The following CC2D1B variants were observed in gnomAD, a reference collection of about 807,000 sequenced individuals.
The protein encoded by CC2D1B is coiled-coil and C2 domain-containing protein 1B.
CC2D1B carries 92 observed loss-of-function variants against 110.8 expected under a neutral mutation model. That is an observed-to-expected ratio of 0.83 (90% CI 0.70 to 0.99). The LOEUF (loss-of-function observed/expected upper bound fraction) is 0.99, where lower values mean the gene tolerates loss of function less well. Among genes scored for constraint, CC2D1B ranks in the 50% least tolerant of loss-of-function variants. The pLI, the probability that CC2D1B is intolerant of heterozygous loss-of-function variation, is 0.00. For synonymous variants in CC2D1B, 406 were observed against 429.2 expected (o/e 0.95, Z 0.67); for missense variants, 1,136 against 1,089.0 (o/e 1.04, Z -0.61).
At position 52,357,816 on chromosome 1, in the gene CC2D1B, C is replaced by G. The variant is rs1446667895; in HGVS notation, c.1544G>C (p.Arg515Thr). Reference sequence around the variant, plus strand: ...CGGTGACTCCTTAGAACTTGAGGCCCTGGGCTCAGGCAGGCGCTGGGATGA... The same window carrying G: ...CGGTGACTCCTTAGAACTTGAGGCCGTGGGCTCAGGCAGGCGCTGGGATGA... ...VPSSQRLPEPRASSSKESPSP... is the reference protein window; with the variant it reads ...VPSSQRLPEPTASSSKESPSP... Residue 515 changes from arginine to threonine, a missense_variant, in exon 14 of 25, where the codon AGG becomes ACG. Physicochemically the swap from Arg to Thr is moderately conservative, Grantham distance 71. Coordinates refer to ENST00000284376, the MANE Select transcript of CC2D1B (RefSeq NM_001330585.2). The G allele has an allele frequency of 6.3e-7, 1 of 1,592,776 alleles. No homozygotes were observed. Among genetic ancestry groups the G allele is most frequent in the Non-Finnish European group, 8.5e-7 (1 of 1,169,864 alleles).
chr1:52,360,096 T>C lies in CC2D1B; in HGVS notation c.741A>G (p.Pro247=). ...TACCTGACTCCAAGGCAGGGGGAGC[T>C]GGAGGGTCTGTCTCAGGGCTCCTGT... ...PANRSPETDP[P]APPALESDNP... Residue 247 remains proline, a synonymous_variant, in exon 7 of 25, where the codon CCA becomes CCG. Transcript: ENST00000284376. 3 of 1,591,620 alleles carry C rather than the reference T, an allele frequency of 1.9e-6. No individual in the cohort carries two copies. The highest frequency in any genetic ancestry group is 8.6e-7 in the Non-Finnish European group (1 of 1,169,454).
At chr1:52,362,349 G>A (rs777317984) in intron 3 of CC2D1B, among the ~76,000 whole-genome samples, 3 of 152,312 alleles carry the variant, frequency 2.0e-5, no homozygotes, top group South Asian at 4.1e-4. Context: ...CACCAATACC[G>A]TGGCTAGGGC....
intron 2 of CC2D1B, among the ~76,000 whole-genome samples, chr1:52,363,529 C>T (rs1304484408): frequency 1.3e-5 from 2 of 152,156 alleles, no homozygotes; most frequent in Non-Finnish European, 2.9e-5. Context: ...CTGCTACCAT[C>T]GCCATCATCC....
Position 52,355,648 on chromosome 1 carries a change from A to G in CC2D1B, c.2147T>C (p.Leu716Pro). Residue 716 changes from leucine to proline, a missense_variant, in exon 20 of 25, where the codon CTG becomes CCG. Coordinates refer to ENST00000284376, the MANE Select transcript of CC2D1B (RefSeq NM_001330585.2). Reference protein sequence around the residue: ...PAPPGVTPDDLDAFVRFEFHY... With the variant: ...PAPPGVTPDDPDAFVRFEFHY... Reference sequence around the variant, plus strand: ...AAACTCAAACCGCACAAAAGCATCCAGGTCATCGGGAGTCACCCCTGGGAA... The same window carrying G: ...AAACTCAAACCGCACAAAAGCATCCGGGTCATCGGGAGTCACCCCTGGGAA... 6.2e-7 allele frequency: 1 copy of G among 1,614,212 alleles called. No homozygotes were observed. Among genetic ancestry groups the G allele is most frequent in the Non-Finnish European group, 8.5e-7 (1 of 1,180,042 alleles).
At chr1:52,354,382 T>A (rs757173247) in intron 23 of CC2D1B, 18 of 693,050 alleles carry the variant, frequency 2.6e-5, no homozygotes, top group African/African-American at 3.5e-5. Flanking sequence ...ATCCATTGAG[T>A]TCATGGAAAC....
chr1:52,360,725 G>T, intron 5 of CC2D1B, 176 bp from the exon 6 acceptor site: 1 of 1,032,622 alleles, frequency 9.7e-7, no homozygotes, highest in Non-Finnish European at 1.4e-6. Flanking sequence ...CATGGCAGAG[G>T]CAAATACAGA....
chr1:52,357,693 C>G lies in CC2D1B; in HGVS notation c.1585G>C (p.Glu529Gln). Reference sequence around the variant, plus strand: ...CGTGCCTCCAGCAGTGCCAGCTGCTCCCGCACTGAAGGGAGAAGGCCACTG... The same window carrying G: ...CGTGCCTCCAGCAGTGCCAGCTGCTGCCGCACTGAAGGGAGAAGGCCACTG... ...SKESPSPSVR[E>Q]QLALLEARKL... Residue 529 changes from glutamate (E) to glutamine (Q), a missense_variant, in exon 15 of 25, where the codon GAG (glutamate) becomes CAG (glutamine). Glu to Gln is a conservative substitution (Grantham distance 29). Transcript: ENST00000284376. 2 of 1,607,036 alleles carry G rather than the reference C, an allele frequency of 1.2e-6. No homozygotes were observed. Among genetic ancestry groups the G allele is most frequent in the Non-Finnish European group, 1.7e-6 (2 of 1,176,766 alleles).
At chr1:52,354,533 A>G in intron 23 of CC2D1B, 75 bp downstream of exon 23, 1 of 1,205,052 alleles carries the variant, frequency 8.3e-7, no homozygotes, top group South Asian at 1.2e-5. Flanking sequence ...AAAACCTACA[A>G]CAAGGTGTGG....
Position 52,354,958 on chromosome 1 carries a change from G to A in CC2D1B, c.2240-19C>T. On this transcript the variant is annotated intron_variant, in intron 21 of 24. Coordinates refer to ENST00000284376, the MANE Select transcript of CC2D1B (RefSeq NM_001330585.2). ...TCAAATTCTGGCAAAGGGGGAGAAA[G>A]CAAGGAGGGGCTTGGCTCTCGGGAT... 6.3e-7 allele frequency: 1 copy of A among 1,590,556 alleles called. No homozygotes were observed. The highest frequency in any genetic ancestry group is 8.6e-7 in the Non-Finnish European group (1 of 1,158,464).
At position 52,359,543 on chromosome 1, in the gene CC2D1B, G is replaced by T; in HGVS notation, c.943-9C>A. On this transcript the variant is annotated splice_polypyrimidine_tract_variant and intron_variant, in intron 8 of 24. Transcript: ENST00000284376. The stretch of plus-strand genomic sequence containing the variant: ...AGGACAGCACCGAATCTCTGCAGAA[G>T]TTGGAAAAGCAGGTGTGGGTGAAAG... The T allele has an allele frequency of 6.2e-7, 1 of 1,613,248 alleles. No individual in the cohort carries two copies. The highest frequency in any genetic ancestry group is 8.5e-7 in the Non-Finnish European group (1 of 1,179,684).
chr1:52,360,357 C>A, intron 6 of CC2D1B, 67 bp downstream of exon 6: 1 of 1,595,308 alleles, frequency 6.3e-7, no homozygotes, highest in Non-Finnish European at 8.5e-7. Flanking sequence ...TCCACTGGTG[C>A]GATCTCCACC....
In CC2D1B at chr1:52,358,749, C is replaced by G; in HGVS notation, c.1267G>C (p.Asp423His). ...MHERIAKQYQ[D>H]AIRAHRAGRK... is the part of the protein sequence containing the mutation. The stretch of plus-strand genomic sequence containing the variant: ...CCTGCTCGGTGTGCTCGAATAGCAT[C>G]TTGATATTGCTGCAAGGGAAGGAAG... The change falls in exon 12 of 25, where the codon GAT (aspartate) becomes CAT (histidine). Residue 423 changes from aspartate to histidine, a missense_variant. By Grantham distance (81) the Asp-to-His change is moderately conservative. Coordinates refer to ENST00000284376, the MANE Select transcript of CC2D1B (RefSeq NM_001330585.2). 6.2e-7 allele frequency: 1 copy of G among 1,609,900 alleles called. No homozygotes were observed. The highest frequency in any genetic ancestry group is 8.5e-7 in the Non-Finnish European group (1 of 1,178,890).
chr1:52,356,655 A>T, intron 16 of CC2D1B: 1 of 614,630 alleles, frequency 1.6e-6, no homozygotes, highest in Admixed American at 3.0e-5. Flanking sequence ...CATTCCCCAA[A>T]TTAGCAACTC....
At chr1:52,362,372 C>G (rs532937484) in intron 3 of CC2D1B, among the ~76,000 whole-genome samples, 1 of 152,306 alleles carries the variant, frequency 6.6e-6, no homozygotes, top group East Asian at 1.9e-4. Context: ...AGGATGGGGA[C>G]CTGAGTCAGT....
Position 52,352,575 on chromosome 1 carries a change from C to CTT in CC2D1B, c.*648_*649dup, listed in dbSNP as rs1237341930. On this transcript the variant is annotated 3_prime_UTR_variant, in exon 25 of 25. Transcript: ENST00000284376. ...TATATTTTTTCTTCCAGTTAACAGT[C>CTT]TTTTCTCTTGGGTGGGTAGACCAAA... The CTT allele has an allele frequency of 6.6e-6, 1 of 152,596 alleles. No individual in the cohort carries two copies. Among genetic ancestry groups the CTT allele is most frequent in the African/African-American group, 2.4e-5 (1 of 41,430 alleles). The allele number at this position is 152,596 out of a possible 1,614,324, so 9.5% of individuals were successfully genotyped here. A position where few individuals can be genotyped will look rare whatever the true frequency, so the allele number is the denominator to read the frequency against.
chr1:52,359,365 ACC>A lies in CC2D1B; in HGVS notation c.1019-10_1019-9del. The stretch of plus-strand genomic sequence containing the variant: ...CCTGCTGGGGCTTCAGATCTGGGGG[ACC>A]CAGAGTAGAGGTGTAGGTGGGAGGG... On this transcript the variant is annotated splice_polypyrimidine_tract_variant and intron_variant, in intron 9 of 24. Transcript: ENST00000284376. 1 of 1,612,524 alleles carries A rather than the reference ACC, an allele frequency of 6.2e-7. No homozygotes were observed. Among genetic ancestry groups the A allele is most frequent in the Non-Finnish European group, 8.5e-7 (1 of 1,179,090 alleles).
Position 52,364,737 on chromosome 1 carries a change from A to C in CC2D1B, c.-14-103T>G, listed in dbSNP as rs965900649. ...TGGATAGTAAACTCCCAAAGAAGGC[A>C]ATGCTGAACACCAAAGTATGGGTTA... On this transcript the variant is annotated intron_variant, in intron 1 of 24. Transcript: ENST00000284376. 3 of 612,066 alleles carry C rather than the reference A, an allele frequency of 4.9e-6. No individual in the cohort carries two copies. The African/African-American group carries it at 5.5e-5, about 11-fold the overall frequency. 37.9% of individuals were successfully genotyped at this position (612,066 alleles called of 1,614,324 possible). A position where few individuals can be genotyped will look rare whatever the true frequency, so the allele number is the denominator to read the frequency against.
chr1:52,359,777 G>A lies in CC2D1B; in HGVS notation c.870C>T (p.Tyr290=), dbSNP rs1301991559. The A allele has an allele frequency of 1.2e-6, 2 of 1,611,270 alleles. No homozygotes were observed. Among genetic ancestry groups the A allele is most frequent in the South Asian group, 1.1e-5 (1 of 90,342 alleles). ...RALLSSRQRE[Y]KVAALSAKRA... Reference sequence around the variant, plus strand: ...GCTTGGCACTGAGGGCAGCCACTTTGTACTCTCTCTGTCGGGATGACAGCA... The same window carrying A: ...GCTTGGCACTGAGGGCAGCCACTTTATACTCTCTCTGTCGGGATGACAGCA... The change falls in exon 8 of 25, where the codon TAC becomes TAT. Residue 290 remains tyrosine, a synonymous_variant. Transcript: ENST00000284376.
rs943106640 is a variant in CC2D1B, at chr1:52,359,016, C to T, written c.1257+11G>A. 3.7e-6 allele frequency: 6 copies of T among 1,603,942 alleles called. No individual in the cohort carries two copies. The highest frequency in any genetic ancestry group is 2.2e-5 in the South Asian group (2 of 90,978). On this transcript the variant is annotated intron_variant, in intron 11 of 24. Transcript: ENST00000284376. ...CCAGCACAGGCAGGGGCTGCATAGC[C>T]GCGGGCCCACCTTGGCAATGCGCTC...
Sources: gnomAD v4.1 joint callset for allele counts (sites outside exome capture counted in the v4.1 genomes callset) on GRCh38, gnomAD v4.1.1 for gene constraint, MANE v1.5 for transcripts, NCBI Gene and HGNC (gene_info 2026-07-23, HGNC 2026-07-21) for gene names.